Variants in GPC6 observed in about 807,000 individuals in gnomAD.
GPC6 encodes glypican-6.
A neutral mutation model predicts 55.2 loss-of-function variants in GPC6; 14 were observed. The observed-to-expected ratio is 0.25, with a 90% CI of 0.17 to 0.40. GPC6 has a LOEUF of 0.40. Among genes scored for constraint, GPC6 ranks in the 10% least tolerant of loss-of-function variants. GPC6 has a pLI of 1.00. For synonymous variants in GPC6, 278 were observed against 259.6 expected (o/e 1.07, Z -0.68); for missense variants, 641 against 708.5 (o/e 0.90, Z 1.08).
chr13:93,805,680 T>C (rs961464465), intron 2 of GPC6, among the ~76,000 whole-genome samples: 1 of 152,194 alleles, frequency 6.6e-6, no homozygotes, highest in Non-Finnish European at 1.5e-5. Flanking sequence ...AATATATTTG[T>C]TTGCGTATTC....
intron 2 of GPC6, among the ~76,000 whole-genome samples, chr13:93,614,190 A>G (rs567022213): frequency 6.6e-6 from 1 of 152,322 alleles, no homozygotes; most frequent in Admixed American, 6.5e-5. Context: ...TTATTTTTCT[A>G]GATACAGTGA....
chr13:94,343,241 G>A (rs905799809), intron 6 of GPC6, among the ~76,000 whole-genome samples: 3 of 152,148 alleles, frequency 2.0e-5, no homozygotes, highest in African/African-American at 7.2e-5. Context: ...TAACCCACCA[G>A]GAGAAGCCCT....
chr13:93,932,140 A>C (rs1878209579), intron 3 of GPC6, among the ~76,000 whole-genome samples: 1 of 152,236 alleles, frequency 6.6e-6, no homozygotes, highest in Non-Finnish European at 1.5e-5. Context: ...CGAACAGGAC[A>C]CATAGGTCAG....
At chr13:93,813,447 T>C (rs1886758087) in intron 2 of GPC6, among the ~76,000 whole-genome samples, 1 of 152,152 alleles carries the variant, frequency 6.6e-6, no homozygotes, top group Admixed American at 6.5e-5. Flanking sequence ...TATTTATTTA[T>C]AATAAGAATT....
Position 93,842,424 on chromosome 13 carries a change from T to G in GPC6, c.711+11879T>G, listed in dbSNP as rs1887986117. ...GAATGGAGAAAAAAGTACCCTGACA[T>G]TTTTGGCTAGGATGGAAGATAGAAT... On this transcript the variant is annotated intron_variant, in intron 3 of 8. Coordinates refer to ENST00000377047, the MANE Select transcript of GPC6 (RefSeq NM_005708.5). Among the ~76,000 whole-genome samples, 5 of 152,162 alleles carry G rather than the reference T, an allele frequency of 3.3e-5. No individual in the cohort carries two copies. In the South Asian group the frequency reaches 1.0e-3, roughly 32 times the overall value.
At chr13:93,982,352 C>A (rs969003363) in intron 3 of GPC6, among the ~76,000 whole-genome samples, 1 of 151,994 alleles carries the variant, frequency 6.6e-6, no homozygotes. Flanking sequence ...GTGATTAGTC[C>A]CAGATGTCTG....
intron 6 of GPC6, among the ~76,000 whole-genome samples, chr13:94,332,430 A>T (rs1477094095): frequency 6.6e-6 from 1 of 152,248 alleles, no homozygotes; most frequent in Non-Finnish European, 1.5e-5. Flanking sequence ...GGTCTGACGG[A>T]TTGCTCAAAT....
intron 2 of GPC6, among the ~76,000 whole-genome samples, chr13:93,744,578 T>C (rs941887262): frequency 6.5e-5 from 9 of 139,534 alleles, no homozygotes; most frequent in East Asian, 2.3e-4. Context: ...TCCTCCACTT[T>C]TATAAGTAAG....
chr13:93,938,677 A>G lies in GPC6; in HGVS notation c.712-89052A>G, dbSNP rs577922592. 8.7e-4 allele frequency among the ~76,000 whole-genome samples: 132 copies of G among 152,246 alleles called. 1 individual carries two copies. The highest frequency in any genetic ancestry group is 1.4e-3 in the Admixed American group (22 of 15,288). On this transcript the variant is annotated intron_variant, in intron 3 of 8. Transcript: ENST00000377047. ...AGCTTTTGGAGGTTATAAAGGTGAC[A>G]GATTCTAAATTAGAAGCATTCAACT...
chr13:94,328,422 A>C (rs1388260534), intron 6 of GPC6, among the ~76,000 whole-genome samples: 2 of 152,218 alleles, frequency 1.3e-5, no homozygotes, highest in Non-Finnish European at 2.9e-5. Flanking sequence ...GATTCACCCT[A>C]AAGTGAGGTT....
intron 2 of GPC6, among the ~76,000 whole-genome samples, chr13:93,613,109 T>C (rs1051597194): frequency 6.6e-6 from 1 of 152,200 alleles, no homozygotes; most frequent in African/African-American, 2.4e-5. Context: ...GCCAGTGATA[T>C]GTAGAAAGAG....
At chr13:94,056,561 C>G (rs989777059) in intron 4 of GPC6, among the ~76,000 whole-genome samples, 15 of 152,166 alleles carry the variant, frequency 9.9e-5, no homozygotes, top group African/African-American at 3.4e-4. Flanking sequence ...CTGGGTAGGA[C>G]TGGGAGCTAG....
Position 94,368,098 on chromosome 13 carries a change from G to A in GPC6, c.1153-14316G>A, listed in dbSNP as rs538710581. Among the ~76,000 whole-genome samples the A allele has an allele frequency of 3.1e-4, 45 of 145,554 alleles. 1 individual carries two copies. The highest frequency in any genetic ancestry group is 7.8e-4 in the Admixed American group (11 of 14,150). ...CAGGAGGCGGGGGTTGCAGTGAGCC[G>A]AGATCGCACCACTGCACTCCAGCCT... is the stretch of plus-strand genomic sequence containing the variant. On this transcript the variant is annotated intron_variant, in intron 6 of 8. Transcript: ENST00000377047.
intron 1 of GPC6, among the ~76,000 whole-genome samples, chr13:93,274,509 G>C (rs1440804141): frequency 6.6e-6 from 1 of 152,122 alleles, no homozygotes; most frequent in Non-Finnish European, 1.5e-5. Context: ...AACATTTACA[G>C]TATTGCTATA....
intron 1 of GPC6, among the ~76,000 whole-genome samples, chr13:93,272,227 G>C (rs1395086590): frequency 6.6e-6 from 1 of 151,968 alleles, no homozygotes; most frequent in Non-Finnish European, 1.5e-5. Flanking sequence ...TTATAGTTCA[G>C]TGGTAATTTT....
chr13:94,205,547 C>T (rs1471474984), intron 4 of GPC6, among the ~76,000 whole-genome samples: 3 of 152,274 alleles, frequency 2.0e-5, no homozygotes, highest in Middle Eastern at 3.4e-3. Flanking sequence ...TTTTATTTCT[C>T]TCCTCACCAA....
intron 3 of GPC6, among the ~76,000 whole-genome samples, chr13:93,978,717 C>T (rs1367069616): frequency 6.6e-6 from 1 of 152,116 alleles, no homozygotes; most frequent in Non-Finnish European, 1.5e-5. Flanking sequence ...TTCCTTCTCT[C>T]AACTGAGGTT....
At chr13:93,639,342 G>T (rs1200693041) in intron 2 of GPC6, among the ~76,000 whole-genome samples, 1 of 152,102 alleles carries the variant, frequency 6.6e-6, no homozygotes, top group Non-Finnish European at 1.5e-5. Flanking sequence ...TGCTGCAGTG[G>T]GGTTGGAGGA....
intron 3 of GPC6, among the ~76,000 whole-genome samples, chr13:93,999,722 C>A (rs989883782): frequency 2.6e-5 from 4 of 152,028 alleles, no homozygotes; most frequent in African/African-American, 7.2e-5. Context: ...TTGGCTATTG[C>A]AAATAATATG....
Sources: allele counts gnomAD v4.1 joint callset (sites outside exome capture counted in the v4.1 genomes callset), GRCh38; gene constraint gnomAD v4.1.1; transcripts MANE v1.5; gene names NCBI Gene and HGNC (gene_info 2026-07-23, HGNC 2026-07-21).